Variants in PECR observed in about 807,000 individuals in gnomAD.
The protein encoded by PECR is peroxisomal trans-2-enoyl-CoA reductase, also known as 2,4-dienoyl-CoA reductase-related protein.
In PECR, 30 loss-of-function variants were observed where a neutral mutation model predicts 35.3. The observed-to-expected ratio is 0.85, with a 90% CI of 0.64 to 1.15. The LOEUF is 1.15. Ranked by LOEUF, PECR falls within the 50% of genes most tolerant of loss-of-function variation. PECR has a pLI of 0.00. For missense variants in PECR, 392 were observed against 370.8 expected, an observed-to-expected ratio of 1.06 and a Z score of -0.47; for synonymous variants, 148 against 138.9, an observed-to-expected ratio of 1.07 and a Z score of -0.46.
chr2:216,051,166 G>C (rs1162617960), intron 5 of PECR, among the ~76,000 whole-genome samples: 1 of 150,342 alleles, frequency 6.7e-6, no homozygotes, highest in Non-Finnish European at 1.5e-5. Flanking sequence ...TGTGCCTGTA[G>C]TCCCAGCTAC....
intron 1 of PECR, among the ~76,000 whole-genome samples, chr2:216,068,609 A>T (rs1333373408): frequency 2.0e-5 from 3 of 152,126 alleles, no homozygotes; most frequent in Non-Finnish European, 4.4e-5. Context: ...AAATCTAAAA[A>T]TATACAGAAG....
intron 1 of PECR, among the ~76,000 whole-genome samples, chr2:216,077,100 T>C (rs1574709271): frequency 6.6e-6 from 1 of 152,072 alleles, no homozygotes; most frequent in East Asian, 2.0e-4. Flanking sequence ...GGTTTCTATA[T>C]GTTGGTCAGG....
At chr2:216,051,258 C>A (rs1221553608) in intron 5 of PECR, among the ~76,000 whole-genome samples, 191 bp downstream of exon 5, 1 of 137,060 alleles carries the variant, frequency 7.3e-6, no homozygotes, top group Non-Finnish European at 1.5e-5. Flanking sequence ...TGCACTCCGG[C>A]CTGGGCGACA....
Position 216,070,876 on chromosome 2 carries a change from G to A in PECR, c.125-4358C>T, listed in dbSNP as rs183837735. ...GACTGCCCTCAGCATTCCTTCAAGG[G>A]TGGCAGACGCAGTTTGTCATTTGCC... On this transcript the variant is annotated intron_variant, in intron 1 of 7. Coordinates refer to ENST00000265322, the MANE Select transcript of PECR (RefSeq NM_018441.6). 1.1e-4 allele frequency among the ~76,000 whole-genome samples: 17 copies of A among 152,318 alleles called. No homozygotes were observed. In the East Asian group the frequency reaches 3.3e-3, roughly 29 times the overall value.
chr2:216,030,946 TCTCTCTCTCTCACA>T (rs1272179811), intron 7 of PECR, among the ~76,000 whole-genome samples: 34 of 89,298 alleles, frequency 3.8e-4, no homozygotes, highest in South Asian at 2.3e-3. Flanking sequence ...TCTCTCTCTC[TCTCTCTCTCTCACA>T]CACACACACA....
intron 3 of PECR, among the ~76,000 whole-genome samples, chr2:216,061,173 G>A (rs1695339450): frequency 6.8e-6 from 1 of 146,306 alleles, no homozygotes; most frequent in Middle Eastern, 3.5e-3. Context: ...GAGCATGGTG[G>A]TTAGTAGCCT....
rs1282680029 is a variant in PECR at position 216,066,367 on chromosome 2, C to T, written c.258+18G>A. On this transcript the variant is annotated intron_variant, in intron 2 of 7. Transcript: ENST00000265322. ...AATTACAATGAATGAATAAATGATA[C>T]AGATATATCTCCATTACCTCCTCCT... is the stretch of plus-strand genomic sequence containing the variant. 6.2e-7 allele frequency: 1 copy of T among 1,602,394 alleles called. No individual in the cohort carries two copies. Among genetic ancestry groups the T allele is most frequent in the Non-Finnish European group, 8.6e-7 (1 of 1,169,292 alleles).
chr2:216,063,328 A>C (rs1237140661), intron 3 of PECR, among the ~76,000 whole-genome samples: 2 of 152,212 alleles, frequency 1.3e-5, no homozygotes. Flanking sequence ...TTCAAGATAC[A>C]GAAAAATATG....
chr2:216,037,519 G>A (rs1420888481), downstream of PECR, among the ~76,000 whole-genome samples: 1 of 152,188 alleles, frequency 6.6e-6, no homozygotes, highest in African/African-American at 2.4e-5. Context: ...ATCAGTTCCA[G>A]AAGGCCACTG....
chr2:216,060,277 A>C (rs545629068), intron 3 of PECR, among the ~76,000 whole-genome samples: 2 of 152,156 alleles, frequency 1.3e-5, no homozygotes, highest in African/African-American at 2.4e-5. Flanking sequence ...CCATATACAT[A>C]TATTTATTTA....
intron 4 of PECR, among the ~76,000 whole-genome samples, chr2:216,054,453 AG>A (rs1246364397): frequency 2.1e-5 from 3 of 139,596 alleles, no homozygotes; most frequent in Non-Finnish European, 3.0e-5. Flanking sequence ...CTCATACCTC[AG>A]CCCCCCGAGT....
In PECR at chr2:216,067,996, A is replaced by T. The variant is rs146537247; in HGVS notation, c.125-1478T>A. ...GTAATCCCAGCACTTTGGGAGGCTG[A>T]GGCGGGCCGATCATGAGGTCAGGAG... On this transcript the variant is annotated intron_variant, in intron 1 of 7. Transcript: ENST00000265322. 4.6e-3 allele frequency among the ~76,000 whole-genome samples: 701 copies of T among 151,896 alleles called. 2 individuals carry two copies. Among genetic ancestry groups the T allele is most frequent in the African/African-American group, 0.016 (674 of 41,434 alleles).
intron 1 of PECR, among the ~76,000 whole-genome samples, chr2:216,069,535 G>A (rs1463475700): frequency 6.6e-6 from 1 of 152,156 alleles, no homozygotes; most frequent in Non-Finnish European, 1.5e-5. Context: ...ACTACAGAAA[G>A]CCAAAAGATC....
intron 1 of PECR, among the ~76,000 whole-genome samples, chr2:216,080,283 C>A (rs1011256871): frequency 6.6e-6 from 1 of 152,100 alleles, no homozygotes; most frequent in Admixed American, 6.5e-5. Flanking sequence ...ACCATGTTGG[C>A]CAGGCTGGTC....
chr2:216,071,364 A>T (rs1373420175), intron 1 of PECR, among the ~76,000 whole-genome samples: 2 of 152,230 alleles, frequency 1.3e-5, no homozygotes, highest in Non-Finnish European at 2.9e-5. Flanking sequence ...TCTCATTGAT[A>T]AGGAGAGGCA....
At chr2:216,032,154 G>A (rs1356810342) in intron 7 of PECR, among the ~76,000 whole-genome samples, 2 of 152,092 alleles carry the variant, frequency 1.3e-5, no homozygotes, top group African/African-American at 2.4e-5. Context: ...TCAAATCCTT[G>A]CTATTTAAGT....
intron 6 of PECR, among the ~76,000 whole-genome samples, chr2:216,044,382 C>CTA (rs1694953438): frequency 6.6e-6 from 1 of 152,242 alleles, no homozygotes; most frequent in South Asian, 2.1e-4. Flanking sequence ...TCCTCCACAA[C>CTA]CCCATTTTCC....
chr2:216,074,634 G>T (rs9784077), intron 1 of PECR, among the ~76,000 whole-genome samples: 2,730 of 152,196 alleles, frequency 0.018, 95 homozygotes, highest in African/African-American at 0.063. Context: ...TAAAAAATAT[G>T]TTGAGAATAT....
rs1695837531 is a variant in PECR, at chr2:216,081,200, G to A, written c.124+418C>T. 2.0e-5 allele frequency among the ~76,000 whole-genome samples: 3 copies of A among 152,206 alleles called. No individual in the cohort carries two copies. The South Asian group carries it at 6.2e-4, about 32-fold the overall frequency. ...AATATTCAGCATATTTCCTTGCTGT[G>A]GTTAAGAGATGTGAGAAGATACTAT... On this transcript the variant is annotated intron_variant, in intron 1 of 7. Transcript: ENST00000265322.
Sources: allele counts gnomAD v4.1 joint callset (sites outside exome capture counted in the v4.1 genomes callset), GRCh38; gene constraint gnomAD v4.1.1; transcripts MANE v1.5; gene names NCBI Gene and HGNC (gene_info 2026-07-23, HGNC 2026-07-21).